The following CRYBG1 variants were observed in gnomAD, a reference collection of about 807,000 sequenced individuals.
The protein encoded by CRYBG1 is beta/gamma crystallin domain-containing protein 1.
Under a neutral mutation model 189.2 loss-of-function variants are expected in CRYBG1, and 139 were observed. That is an observed-to-expected ratio of 0.73 (90% CI 0.64 to 0.85). The LOEUF (loss-of-function observed/expected upper bound fraction) is 0.85. CRYBG1 is among the 40% of genes least tolerant of loss of function. CRYBG1 has a pLI of 0.00. For missense variants in CRYBG1, 2,611 were observed against 2,675.8 expected (o/e 0.98, Z 0.53); for synonymous variants, 1,023 against 1,017.1 (o/e 1.01, Z -0.11).
At chr6:106,528,633 G>C (rs1773808121) in intron 7 of CRYBG1, among the ~76,000 whole-genome samples, 1 of 152,106 alleles carries the variant, frequency 6.6e-6, no homozygotes, top group African/African-American at 2.4e-5. Context: ...TGGCAACTGG[G>C]GAAGGTATCA....
intron 6 of CRYBG1, among the ~76,000 whole-genome samples, chr6:106,526,422 CCTTT>C (rs1292021072): frequency 1.3e-5 from 2 of 152,016 alleles, no homozygotes; most frequent in East Asian, 3.8e-4. Flanking sequence ...AGTACTTTTT[CCTTT>C]CTTTTGCAAC....
In CRYBG1 at chr6:106,525,385, TG is replaced by T. The variant is rs759034088; in HGVS notation, c.4412+1del. 2 of 1,609,886 alleles carry T rather than the reference TG, an allele frequency of 1.2e-6. No individual in the cohort carries two copies. Among genetic ancestry groups the T allele is most frequent in the African/African-American group, 2.7e-5 (2 of 74,846 alleles). On this transcript the variant is annotated frameshift_variant and splice_region_variant, in exon 6 of 22. Transcript: ENST00000633556. LOFTEE classifies it high-confidence loss of function. ...PVILIKVVRGCWILYEQPNFE... is the reference protein window; with the variant it reads ...PVILIKVVRGXWILYEQPNFE... ...GATACTCATAAAAGTTGTTAGAGGATGGTAAGAATGGCACTTTAAGTTCCTG... is the reference window on the plus strand; with the variant it reads ...GATACTCATAAAAGTTGTTAGAGGATGTAAGAATGGCACTTTAAGTTCCTG...
intron 2 of CRYBG1, among the ~76,000 whole-genome samples, chr6:106,475,537 G>C (rs2114472922): frequency 6.6e-6 from 1 of 152,326 alleles, no homozygotes; most frequent in South Asian, 2.1e-4. Context: ...AAGATAAAGA[G>C]ACAGGCAAGC....
At chr6:106,457,624 C>T (rs748884585) in intron 2 of CRYBG1, among the ~76,000 whole-genome samples, 3 of 152,206 alleles carry the variant, frequency 2.0e-5, no homozygotes, top group Non-Finnish European at 2.9e-5. Context: ...ATGACTTGTG[C>T]CATCTGGTGT....
intron 2 of CRYBG1, among the ~76,000 whole-genome samples, chr6:106,459,192 C>T (rs965521834): frequency 2.0e-5 from 3 of 152,158 alleles, no homozygotes; most frequent in Admixed American, 2.0e-4. Flanking sequence ...TTGCTTTCCA[C>T]CACAAGTAAT....
chr6:106,403,776 T>C (rs1359210566), intron 1 of CRYBG1, among the ~76,000 whole-genome samples: 1 of 152,220 alleles, frequency 6.6e-6, no homozygotes, highest in Non-Finnish European at 1.5e-5. Flanking sequence ...AAAACACTCC[T>C]ATGAGGAATG....
At chr6:106,560,059 C>T (rs1774665569) in intron 18 of CRYBG1, among the ~76,000 whole-genome samples, 2 of 151,700 alleles carry the variant, frequency 1.3e-5, no homozygotes. Context: ...GTGCCACTGC[C>T]CTTCAGCCTG....
chr6:106,377,621 T>TATATATATATATATATATATATATGTA (rs1419204336), intron 1 of CRYBG1, among the ~76,000 whole-genome samples: 1 of 69,496 alleles, frequency 1.4e-5, no homozygotes, highest in African/African-American at 3.6e-5. Context: ...TCCTAAGGTT[T>TATATATATATATATATATATATATGTA]TATATATATA....
chr6:106,496,522 T>TA (rs71006689), intron 2 of CRYBG1, among the ~76,000 whole-genome samples: 31,295 of 151,988 alleles, frequency 0.21, 3,420 homozygotes, highest in Non-Finnish European at 0.25. Flanking sequence ...TTTTTTTTTT[T>TA]AATCTAGGTT....
chr6:106,456,140 T>C (rs1257567229), intron 2 of CRYBG1, among the ~76,000 whole-genome samples: 1 of 152,186 alleles, frequency 6.6e-6, no homozygotes, highest in Non-Finnish European at 1.5e-5. Context: ...ACCACTATTG[T>C]TTTTGACAGC....
chr6:106,447,275 C>T (rs1002186844), intron 1 of CRYBG1, among the ~76,000 whole-genome samples: 1 of 152,126 alleles, frequency 6.6e-6, no homozygotes, highest in African/African-American at 2.4e-5. Flanking sequence ...AGCTTAGCCT[C>T]TGTTATGACC....
chr6:106,384,753 AC>A (rs1013482933), intron 1 of CRYBG1, among the ~76,000 whole-genome samples: 5 of 152,174 alleles, frequency 3.3e-5, no homozygotes, highest in African/African-American at 1.2e-4. Context: ...AGTAAAACAT[AC>A]TTTTAAGGCC....
chr6:106,452,247 A>ATG, intron 2 of CRYBG1, among the ~76,000 whole-genome samples: 1 of 141,180 alleles, frequency 7.1e-6, no homozygotes, highest in East Asian at 2.0e-4. Context: ...ACTCTACTAA[A>ATG]AAAAAAAAAA....
rs528887058 is a variant in CRYBG1, at chr6:106,457,896, T to A, written c.312+6064T>A. ...AAAATAGAGAGCAATGTATATAGCATGTTATATTTTGTGCAAAACGGGGGA... is the reference window on the plus strand; with the variant it reads ...AAAATAGAGAGCAATGTATATAGCAAGTTATATTTTGTGCAAAACGGGGGA... On this transcript the variant is annotated intron_variant, in intron 2 of 21. Coordinates refer to ENST00000633556, the MANE Select transcript of CRYBG1 (RefSeq NM_001371242.2). Among the ~76,000 whole-genome samples, 3 of 152,374 alleles carry A rather than the reference T, an allele frequency of 2.0e-5. No individual in the cohort carries two copies. In the South Asian group the frequency reaches 6.2e-4, roughly 32 times the overall value.
Position 106,454,324 on chromosome 6 carries a change from G to C in CRYBG1, c.312+2492G>C, listed in dbSNP as rs569068663. ...TGAGATCATGGCTGAGAGATTTACTGAACCATTAGCTCAGAAGTGCAAGAC... is the reference window on the plus strand; with the variant it reads ...TGAGATCATGGCTGAGAGATTTACTCAACCATTAGCTCAGAAGTGCAAGAC... On this transcript the variant is annotated intron_variant, in intron 2 of 21. Transcript: ENST00000633556. 1.6e-4 allele frequency among the ~76,000 whole-genome samples: 25 copies of C among 152,196 alleles called. No homozygotes were observed. The South Asian group carries it at 5.0e-3, about 30-fold the overall frequency.
chr6:106,452,172 A>G (rs1444226264), intron 2 of CRYBG1, among the ~76,000 whole-genome samples: 2 of 148,686 alleles, frequency 1.3e-5, no homozygotes, highest in Non-Finnish European at 3.0e-5. Flanking sequence ...TTTTGGAGGC[A>G]GAGGCAGGCG....
At chr6:106,488,245 C>T (rs1772634203) in intron 2 of CRYBG1, among the ~76,000 whole-genome samples, 1 of 152,174 alleles carries the variant, frequency 6.6e-6, no homozygotes, top group South Asian at 2.1e-4. Context: ...GCATGGTCAC[C>T]ACTGTGCTAT....
At chr6:106,528,651 G>A (rs1205400921) in intron 7 of CRYBG1, among the ~76,000 whole-genome samples, 3 of 152,142 alleles carry the variant, frequency 2.0e-5, no homozygotes, top group Non-Finnish European at 4.4e-5. Context: ...TCAGAATCTG[G>A]TGGGGTGAGG....
chr6:106,476,837 T>C (rs1182549459), intron 2 of CRYBG1, among the ~76,000 whole-genome samples: 4 of 152,312 alleles, frequency 2.6e-5, no homozygotes, highest in Middle Eastern at 3.4e-3. Context: ...GTTTAAAGCA[T>C]AGATTTTAAA....
Sources: allele counts gnomAD v4.1 joint callset (sites outside exome capture counted in the v4.1 genomes callset), GRCh38; gene constraint gnomAD v4.1.1; transcripts MANE v1.5; gene names NCBI Gene and HGNC (gene_info 2026-07-23, HGNC 2026-07-21).